Variants in GRIN2A observed in about 807,000 individuals in gnomAD.
GRIN2A encodes glutamate receptor ionotropic, NMDA 2A.
GRIN2A carries 22 observed loss-of-function variants against 113.4 expected under a neutral mutation model. That is an observed-to-expected ratio of 0.19 (90% CI 0.14 to 0.28). The LOEUF is 0.28. GRIN2A is among the 10% of genes least tolerant of loss of function. GRIN2A has a pLI of 1.00. For synonymous variants in GRIN2A, 827 were observed against 738.4 expected, an observed-to-expected ratio of 1.12 and a Z score of -1.94; for missense variants, 1,502 against 1,887.0, an observed-to-expected ratio of 0.80 and a Z score of 3.78.
chr16:10,154,471 G>A (rs1312832024), intron 2 of GRIN2A, among the ~76,000 whole-genome samples: 1 of 151,986 alleles, frequency 6.6e-6, no homozygotes, highest in Non-Finnish European at 1.5e-5. Flanking sequence ...TTTATATTTT[G>A]TCCCCATCCC....
intron 2 of GRIN2A, among the ~76,000 whole-genome samples, chr16:10,146,278 C>T (rs747596282): frequency 2.0e-5 from 3 of 152,208 alleles, no homozygotes; most frequent in South Asian, 2.1e-4. Context: ...CTACCACGCC[C>T]GACTAATTTT....
chr16:9,833,421 C>T (rs991693965), intron 8 of GRIN2A, among the ~76,000 whole-genome samples: 3 of 152,132 alleles, frequency 2.0e-5, no homozygotes, highest in Non-Finnish European at 4.4e-5. Context: ...TGTTCTTAAA[C>T]TAGATTTTAT....
chr16:10,062,694 A>G (rs538782911), intron 2 of GRIN2A, among the ~76,000 whole-genome samples: 132 of 152,226 alleles, frequency 8.7e-4, no homozygotes, highest in African/African-American at 2.9e-3. Flanking sequence ...GCAAAACTCC[A>G]TCTCTACTAA....
chr16:10,177,925 C>T (rs1021575116), intron 2 of GRIN2A, among the ~76,000 whole-genome samples: 2 of 152,196 alleles, frequency 1.3e-5, no homozygotes, highest in African/African-American at 4.8e-5. Context: ...GAGCCACACA[C>T]CTATCGACTG....
At chr16:9,954,101 A>G (rs1406298060) in intron 2 of GRIN2A, among the ~76,000 whole-genome samples, 1 of 152,188 alleles carries the variant, frequency 6.6e-6, no homozygotes, top group Non-Finnish European at 1.5e-5. Context: ...CTAGACAGAG[A>G]AACTTGTGCC....
At chr16:10,027,055 C>T (rs1030345603) in intron 2 of GRIN2A, among the ~76,000 whole-genome samples, 2 of 152,162 alleles carry the variant, frequency 1.3e-5, no homozygotes, top group Admixed American at 6.5e-5. Flanking sequence ...TCAGCTGACA[C>T]ATTAAATATT....
intron 3 of GRIN2A, among the ~76,000 whole-genome samples, chr16:9,915,412 T>A (rs1295601421): frequency 6.6e-6 from 1 of 152,192 alleles, no homozygotes; most frequent in Non-Finnish European, 1.5e-5. Context: ...ACTATCCAAA[T>A]GTTCTAATAA....
At chr16:10,125,503 A>T (rs960035579) in intron 2 of GRIN2A, among the ~76,000 whole-genome samples, 1 of 152,082 alleles carries the variant, frequency 6.6e-6, no homozygotes, top group Non-Finnish European at 1.5e-5. Flanking sequence ...ATTGCCTGGG[A>T]GGCCTCCCTC....
intron 4 of GRIN2A, among the ~76,000 whole-genome samples, chr16:9,868,573 G>T (rs13338195): frequency 1.3e-5 from 2 of 151,956 alleles, no homozygotes; most frequent in African/African-American, 4.8e-5. Flanking sequence ...AGCCCAAATC[G>T]TCACTTTAAA....
chr16:10,023,009 C>A (rs866968780), intron 2 of GRIN2A, among the ~76,000 whole-genome samples: 3 of 152,128 alleles, frequency 2.0e-5, no homozygotes, highest in Admixed American at 2.0e-4. Flanking sequence ...AGGAGAAAAT[C>A]CTACTAATCA....
chr16:9,962,518 A>G (rs2045463393), intron 2 of GRIN2A, among the ~76,000 whole-genome samples: 1 of 152,218 alleles, frequency 6.6e-6, no homozygotes, highest in Admixed American at 6.5e-5. Context: ...AAAAATGCTC[A>G]TCATCACTGG....
intron 4 of GRIN2A, among the ~76,000 whole-genome samples, chr16:9,863,376 G>A (rs1477660198): frequency 6.9e-6 from 1 of 144,258 alleles, no homozygotes; most frequent in Non-Finnish European, 1.5e-5. Context: ...TGGGGAGAAA[G>A]CAGCCAGAGG....
At chr16:9,769,233 C>A in intron 11 of GRIN2A, 144 bp from the exon 12 acceptor site, 1 of 703,660 alleles carries the variant, frequency 1.4e-6, no homozygotes, top group Non-Finnish European at 2.6e-6. Flanking sequence ...TTTCCATTTG[C>A]TCACTTCTTG....
At chr16:10,007,115 A>G (rs1211683219) in intron 2 of GRIN2A, among the ~76,000 whole-genome samples, 2 of 152,222 alleles carry the variant, frequency 1.3e-5, no homozygotes, top group Non-Finnish European at 2.9e-5. Flanking sequence ...TATCTCTTCA[A>G]TATACTGATT....
intron 2 of GRIN2A, among the ~76,000 whole-genome samples, chr16:10,168,901 G>A (rs1030338222): frequency 1.3e-5 from 2 of 151,694 alleles, no homozygotes; most frequent in Non-Finnish European, 1.5e-5. Context: ...GGCGGCAGAG[G>A]TTGCAGTAAA....
intron 3 of GRIN2A, among the ~76,000 whole-genome samples, chr16:9,906,000 TAC>T (rs2044021859): frequency 6.6e-6 from 1 of 152,206 alleles, no homozygotes; most frequent in Non-Finnish European, 1.5e-5. Flanking sequence ...TCTCCTTCAT[TAC>T]CTTTTAATTA....
chr16:9,811,380 A>G (rs2042083889), intron 10 of GRIN2A, among the ~76,000 whole-genome samples: 1 of 152,200 alleles, frequency 6.6e-6, no homozygotes, highest in South Asian at 2.1e-4. Context: ...CCTCTATAAA[A>G]TGGAGAAAAT....
intron 3 of GRIN2A, among the ~76,000 whole-genome samples, chr16:9,893,206 A>C (rs2043732247): frequency 6.6e-6 from 1 of 152,226 alleles, no homozygotes; most frequent in Non-Finnish European, 1.5e-5. Flanking sequence ...GATGCAGAGA[A>C]AATGCTTACT....
At chr16:9,913,004 A>T (rs961416683) in intron 3 of GRIN2A, among the ~76,000 whole-genome samples, 1 of 152,264 alleles carries the variant, frequency 6.6e-6, no homozygotes, top group Non-Finnish European at 1.5e-5. Context: ...CATACATTGC[A>T]GAAACTCTTC....
Sources: gnomAD v4.1 joint callset for allele counts (sites outside exome capture counted in the v4.1 genomes callset) on GRCh38, gnomAD v4.1.1 for gene constraint, MANE v1.5 for transcripts, NCBI Gene and HGNC (gene_info 2026-07-23, HGNC 2026-07-21) for gene names.